Variants in CAMK4 observed in about 807,000 individuals in gnomAD.
The protein encoded by CAMK4 is calcium/calmodulin-dependent protein kinase type IV.
CAMK4 carries 22 observed loss-of-function variants against 44.9 expected under a neutral mutation model. The ratio of observed to expected loss-of-function variants is 0.49; its 90% CI spans 0.35 to 0.70. The LOEUF (loss-of-function observed/expected upper bound fraction) is 0.70, where lower values mean the gene tolerates loss of function less well. CAMK4 is among the 30% of genes least tolerant of loss of function. CAMK4 has a pLI of 0.01. For synonymous variants in CAMK4, 218 were observed against 215.4 expected (o/e 1.01, Z -0.11); for missense variants, 498 against 586.8 (o/e 0.85, Z 1.56).
chr5:111,373,000 T>C (rs1751070275), intron 2 of CAMK4, among the ~76,000 whole-genome samples: 1 of 152,204 alleles, frequency 6.6e-6, no homozygotes, highest in African/African-American at 2.4e-5. Flanking sequence ...TTATAGCTGA[T>C]ATTGCATTTT....
rs1232786912 is a variant in CAMK4, at chr5:111,351,696, G to GCCA, written c.240+7599_240+7601dup. On this transcript the variant is annotated intron_variant, in intron 2 of 10. Transcript: ENST00000282356. ...CAAAGTGCTGGGATTATAGGCGTGA[G>GCCA]CCACCACTCCTGGCCACAACTTGGA... Among the ~76,000 whole-genome samples, 13 of 152,122 alleles carry GCCA rather than the reference G, an allele frequency of 8.5e-5. No homozygotes were observed. In the East Asian group the frequency reaches 2.5e-3, roughly 29 times the overall value.
intron 5 of CAMK4, among the ~76,000 whole-genome samples, chr5:111,395,396 CTTTA>C (rs1161724407): frequency 2.7e-5 from 4 of 149,978 alleles, no homozygotes; most frequent in Non-Finnish European, 5.9e-5. Flanking sequence ...ATTTTGGTGC[CTTTA>C]TTTGTTCTTT....
At chr5:111,328,882 A>C (rs1206403299) in intron 1 of CAMK4, among the ~76,000 whole-genome samples, 1 of 152,074 alleles carries the variant, frequency 6.6e-6, no homozygotes, top group East Asian at 1.9e-4. Flanking sequence ...ACTTTGCTGA[A>C]GTCGCTTATC....
chr5:111,283,912 C>T (rs1185064106), intron 1 of CAMK4, among the ~76,000 whole-genome samples: 1 of 152,128 alleles, frequency 6.6e-6, no homozygotes, highest in Non-Finnish European at 1.5e-5. Context: ...AGGTTGTCTC[C>T]TTTTTCTTTG....
chr5:111,323,336 C>T (rs1410984517), intron 1 of CAMK4, among the ~76,000 whole-genome samples: 1 of 151,972 alleles, frequency 6.6e-6, no homozygotes, highest in African/African-American at 2.4e-5. Flanking sequence ...CCATAGCAAA[C>T]TGATGATTTC....
intron 1 of CAMK4, among the ~76,000 whole-genome samples, chr5:111,275,415 A>G (rs549140679): frequency 3.2e-4 from 48 of 152,170 alleles, no homozygotes; most frequent in African/African-American, 1.1e-3. Flanking sequence ...TACAATGCAT[A>G]CTTATTGGTA....
At chr5:111,396,411 C>G (rs1385660685) in intron 5 of CAMK4, among the ~76,000 whole-genome samples, 1 of 152,008 alleles carries the variant, frequency 6.6e-6, no homozygotes, top group Non-Finnish European at 1.5e-5. Context: ...AGATTTTCAT[C>G]ACACATAACA....
intron 7 of CAMK4, 21 bp downstream of exon 7, chr5:111,449,224 A>C (rs2112977578): frequency 9.0e-7 from 1 of 1,113,038 alleles, no homozygotes; most frequent in East Asian, 2.5e-5. Context: ...TAATAATTAT[A>C]TTTTACTTTT....
At chr5:111,313,903 C>T (rs554954933) in intron 1 of CAMK4, among the ~76,000 whole-genome samples, 153 of 151,994 alleles carry the variant, frequency 1.0e-3, no homozygotes, top group African/African-American at 3.4e-3. Flanking sequence ...AAATGATGTG[C>T]GATATGTGTA....
intron 2 of CAMK4, among the ~76,000 whole-genome samples, chr5:111,354,463 G>A (rs1226299646): frequency 1.4e-5 from 2 of 141,886 alleles, no homozygotes; most frequent in African/African-American, 5.3e-5. Flanking sequence ...AAAAAACTAC[G>A]TGAGGTGATG....
intron 5 of CAMK4, among the ~76,000 whole-genome samples, chr5:111,399,752 A>C (rs1050301946): frequency 1.3e-5 from 2 of 152,056 alleles, no homozygotes; most frequent in Non-Finnish European, 2.9e-5. Context: ...TTTCCTTACT[A>C]CTGTTTCATT....
intron 5 of CAMK4, among the ~76,000 whole-genome samples, chr5:111,417,076 T>C (rs972243035): frequency 2.6e-5 from 4 of 152,178 alleles, no homozygotes; most frequent in Non-Finnish European, 5.9e-5. Context: ...ATTTGTTTAT[T>C]TTAGAGGCAC....
At chr5:111,293,866 C>T (rs1374508279) in intron 1 of CAMK4, among the ~76,000 whole-genome samples, 1 of 151,320 alleles carries the variant, frequency 6.6e-6, no homozygotes, top group African/African-American at 2.4e-5. Flanking sequence ...CCTGCCTCAG[C>T]CTCCCGAGTA....
chr5:111,463,200 A>G (rs1754699635), intron 7 of CAMK4, among the ~76,000 whole-genome samples: 4 of 152,242 alleles, frequency 2.6e-5, no homozygotes, highest in Admixed American at 2.6e-4. Flanking sequence ...AGAAAAATCA[A>G]TAAATGATTA....
chr5:111,476,956 T>C (rs1755267229), intron 8 of CAMK4, among the ~76,000 whole-genome samples: 1 of 152,224 alleles, frequency 6.6e-6, no homozygotes, highest in African/African-American at 2.4e-5. Context: ...TTTTTGTCTC[T>C]AGATTTTCAG....
intron 1 of CAMK4, among the ~76,000 whole-genome samples, chr5:111,235,286 A>G (rs1018029195): frequency 6.6e-6 from 1 of 152,170 alleles, no homozygotes; most frequent in African/African-American, 2.4e-5. Flanking sequence ...TCATTCAAAT[A>G]AGTCATTTTT....
chr5:111,454,420 A>G (rs1028052310), intron 7 of CAMK4, among the ~76,000 whole-genome samples: 2 of 152,198 alleles, frequency 1.3e-5, no homozygotes, highest in African/African-American at 4.8e-5. Context: ...GGGCTCTCCT[A>G]TAAGTGAATC....
intron 7 of CAMK4, among the ~76,000 whole-genome samples, chr5:111,460,654 C>T (rs549306905): frequency 6.6e-6 from 1 of 152,108 alleles, no homozygotes; most frequent in African/African-American, 2.4e-5. Context: ...TTTATTTTAT[C>T]CTACTTCATC....
chr5:111,253,018 T>C (rs1313022173), intron 1 of CAMK4, among the ~76,000 whole-genome samples: 2 of 152,226 alleles, frequency 1.3e-5, no homozygotes, highest in Admixed American at 1.3e-4. Flanking sequence ...GTCTTTGCTT[T>C]CTTATTTTTG....
Sources: gnomAD v4.1 joint callset for allele counts (sites outside exome capture counted in the v4.1 genomes callset) on GRCh38, gnomAD v4.1.1 for gene constraint, MANE v1.5 for transcripts, NCBI Gene and HGNC (gene_info 2026-07-23, HGNC 2026-07-21) for gene names.